Variants in PCDHA6 observed in about 807,000 individuals in gnomAD.
PCDHA6 encodes the protein protocadherin alpha 6, also known as protocadherin alpha-6.
In PCDHA6, 55 loss-of-function variants were observed where a neutral mutation model predicts 60.3. The observed-to-expected ratio is 0.91, with a 90% confidence interval of 0.73 to 1.14. The LOEUF (loss-of-function observed/expected upper bound fraction) is 1.14. PCDHA6 is among the 50% of genes most tolerant of loss of function. PCDHA6 has a pLI of 0.00. For synonymous variants in PCDHA6, 652 were observed against 557.9 expected, an observed-to-expected ratio of 1.17 and a Z score of -2.38; for missense variants, 1,327 against 1,256.5, an observed-to-expected ratio of 1.06 and a Z score of -0.85.
intron 1 of PCDHA6, among the ~76,000 whole-genome samples, chr5:140,838,933 A>G (rs1168986941): frequency 6.6e-6 from 1 of 151,908 alleles, no homozygotes; most frequent in African/African-American, 2.4e-5. Context: ...AATAAAATGA[A>G]ATAATAAAAT....
rs997332881 is a variant in PCDHA6 at position 140,887,348 on chromosome 5, G to A, written c.2394+56863G>A. On this transcript the variant is annotated intron_variant, in intron 1 of 3. Transcript: ENST00000529310. ...CCTGACCTCGTGATCCACCTGGCTCGGCCTCCCAAAGTGCTGGGATTACAG... is the reference window on the plus strand; with the variant it reads ...CCTGACCTCGTGATCCACCTGGCTCAGCCTCCCAAAGTGCTGGGATTACAG... Among the ~76,000 whole-genome samples, 8 of 151,974 alleles carry A rather than the reference G, an allele frequency of 5.3e-5. 1 individual carries two copies. The highest frequency in any genetic ancestry group is 8.8e-5 in the Non-Finnish European group (6 of 67,980).
chr5:140,921,168 C>A (rs1260180010), intron 1 of PCDHA6, among the ~76,000 whole-genome samples: 1 of 151,534 alleles, frequency 6.6e-6, no homozygotes, highest in Non-Finnish European at 1.5e-5. Context: ...TTTTAACACA[C>A]ATAAAGCACA....
chr5:140,883,083 G>A (rs267600402), intron 1 of PCDHA6: 8 of 1,614,082 alleles, frequency 5.0e-6, no homozygotes, highest in Non-Finnish European at 6.8e-6. Flanking sequence ...CCTGATGATG[G>A]TACAAATGGA....
At chr5:140,920,249 G>A (rs782292641) in intron 1 of PCDHA6, among the ~76,000 whole-genome samples, 15 of 152,174 alleles carry the variant, frequency 9.9e-5, no homozygotes, top group Admixed American at 3.3e-4. Context: ...ACAATACATC[G>A]CTATAATAAT....
In PCDHA6 at chr5:140,828,646, C is replaced by T; in HGVS notation, c.555C>T (p.Asn185=). 1 of 1,614,158 alleles carries T rather than the reference C, an allele frequency of 6.2e-7. No individual in the cohort carries two copies. Among genetic ancestry groups the T allele is most frequent in the Non-Finnish European group, 8.5e-7 (1 of 1,180,020 alleles). ...SEYFGLDVKI[N]SDDNKQIGLL... ...ACTTCGGGCTAGATGTGAAAATAAA[C>T]AGTGATGACAATAAACAAATTGGGC... The change falls in exon 1 of 4, where the codon AAC becomes AAT. Residue 185 remains asparagine, a synonymous_variant. Coordinates refer to ENST00000529310, the MANE Select transcript of PCDHA6 (RefSeq NM_018909.4).
chr5:140,871,823 C>T (rs900166925), intron 1 of PCDHA6, among the ~76,000 whole-genome samples: 1 of 152,144 alleles, frequency 6.6e-6, no homozygotes, highest in African/African-American at 2.4e-5. Context: ...TACCCATGCC[C>T]CTTCATCTCT....
At chr5:140,945,673 A>G (rs192775886) in intron 1 of PCDHA6, among the ~76,000 whole-genome samples, 137 of 152,272 alleles carry the variant, frequency 9.0e-4, no homozygotes, top group Middle Eastern at 3.4e-3. Context: ...CCAGAAATAA[A>G]TCCACACAGT....
chr5:140,877,334 C>A (rs375199455), intron 1 of PCDHA6: 13 of 1,614,002 alleles, frequency 8.1e-6, no homozygotes, highest in Non-Finnish European at 1.0e-5. Flanking sequence ...GCGCACATCC[C>A]GTTCCACGTG....
chr5:140,841,313 C>T (rs2150313348), intron 1 of PCDHA6: 2 of 1,587,144 alleles, frequency 1.3e-6, no homozygotes, highest in Non-Finnish European at 8.6e-7. Context: ...TAGGAAACGA[C>T]TATTTAACAT....
chr5:140,910,737 G>A (rs1405978966), intron 1 of PCDHA6, among the ~76,000 whole-genome samples: 2 of 152,008 alleles, frequency 1.3e-5, no homozygotes, highest in African/African-American at 4.8e-5. Context: ...AGCTAACCAA[G>A]CACATAAATT....
At chr5:140,982,253 A>T (rs1209317234) in intron 2 of PCDHA6, 1 of 777,640 alleles carries the variant, frequency 1.3e-6, no homozygotes, top group African/African-American at 1.8e-5. Flanking sequence ...AAGATAGAAC[A>T]TGTGTGTTCC....
chr5:140,928,697 G>A (rs1554206190), intron 1 of PCDHA6: 1 of 1,614,122 alleles, frequency 6.2e-7, no homozygotes, highest in Non-Finnish European at 8.5e-7. Context: ...CACATCTCCC[G>A]GGCGTCTGAC....
chr5:140,890,069 A>C (rs1554184149), intron 1 of PCDHA6, among the ~76,000 whole-genome samples: 1 of 152,204 alleles, frequency 6.6e-6, no homozygotes, highest in Non-Finnish European at 1.5e-5. Flanking sequence ...TTACTGGCTT[A>C]TGAGAACTGA....
chr5:140,942,733 T>C (rs1344147840), intron 1 of PCDHA6, among the ~76,000 whole-genome samples: 1 of 152,184 alleles, frequency 6.6e-6, no homozygotes, highest in Non-Finnish European at 1.5e-5. Context: ...TTGAAAAATA[T>C]TTTAAAATCT....
intron 1 of PCDHA6, among the ~76,000 whole-genome samples, chr5:140,914,080 T>G (rs2076596374): frequency 6.6e-6 from 1 of 152,222 alleles, no homozygotes; most frequent in African/African-American, 2.4e-5. Flanking sequence ...TAACTATCTA[T>G]TAGGTCAATT....
intron 1 of PCDHA6, chr5:140,877,314 G>A (rs2057020187): frequency 6.2e-7 from 1 of 1,613,972 alleles, no homozygotes; most frequent in Admixed American, 1.7e-5. Context: ...TGCAACCGGC[G>A]GCGGTCGGCG....
intron 1 of PCDHA6, among the ~76,000 whole-genome samples, chr5:140,840,071 T>C (rs1307463019): frequency 6.6e-6 from 1 of 151,952 alleles, no homozygotes; most frequent in Non-Finnish European, 1.5e-5. Flanking sequence ...AATTAGTCAA[T>C]AGAAAGATAA....
chr5:140,883,679 G>T (rs781987468), intron 1 of PCDHA6: 1 of 1,613,678 alleles, frequency 6.2e-7, no homozygotes, highest in Non-Finnish European at 8.5e-7. Flanking sequence ...CAATCCGCCG[G>T]GCTGCCACAT....
chr5:140,964,531 C>T (rs781961669), intron 1 of PCDHA6, among the ~76,000 whole-genome samples: 4 of 152,058 alleles, frequency 2.6e-5, no homozygotes, highest in Non-Finnish European at 5.9e-5. Context: ...CTCTGAGCTG[C>T]GTGCAGAGAT....
Sources: gnomAD v4.1 joint callset for allele counts (sites outside exome capture counted in the v4.1 genomes callset) on GRCh38, gnomAD v4.1.1 for gene constraint, MANE v1.5 for transcripts, NCBI Gene and HGNC (gene_info 2026-07-23, HGNC 2026-07-21) for gene names.